The following GALNS variants were observed in gnomAD, a reference collection of about 807,000 sequenced individuals.
GALNS encodes the protein N-acetylgalactosamine-6-sulfatase.
GALNS carries 65 observed loss-of-function variants against 65.9 expected under a neutral mutation model. The observed-to-expected ratio is 0.99, with a 90% CI of 0.81 to 1.21. GALNS has a LOEUF of 1.21. Ranked by LOEUF, GALNS falls within the 50% of genes most tolerant of loss-of-function variation. GALNS has a pLI of 0.00. For synonymous variants in GALNS, 346 were observed against 288.9 expected (o/e 1.20, Z -2.00); for missense variants, 776 against 700.7 (o/e 1.11, Z -1.21).
rs1463001817 is a variant in GALNS at position 88,856,461 on chromosome 16, G to A, written c.120+297C>T. ...ACGCCGGCCACCCACCTGCCAGGGA[G>A]GACGCTGTCCCGGTCATGCAGCACA... On this transcript the variant is annotated intron_variant, in intron 1 of 13. Coordinates refer to ENST00000268695, the MANE Select transcript of GALNS (RefSeq NM_000512.5). The A allele has an allele frequency of 1.7e-5, 12 of 700,402 alleles. No homozygotes were observed. In the East Asian group the frequency reaches 3.0e-4, roughly 17 times the overall value. The allele number at this position is 700,402 out of a possible 1,614,324, so 43.4% of individuals were successfully genotyped here.
intron 12 of GALNS, among the ~76,000 whole-genome samples, chr16:88,820,752 C>T (rs1316359707): frequency 6.6e-6 from 1 of 152,190 alleles, no homozygotes; most frequent in Non-Finnish European, 1.5e-5. Flanking sequence ...CCCTGAGGAC[C>T]CCCCTGTGGA....
chr16:88,831,967 C>A, intron 9 of GALNS, 31 bp downstream of exon 9: 1 of 1,594,742 alleles, frequency 6.3e-7, no homozygotes, highest in African/African-American at 1.3e-5. Flanking sequence ...CCTGGACCTG[C>A]TGCCCGGCAG....
chr16:88,818,592 A>G (rs3826069), intron 12 of GALNS, among the ~76,000 whole-genome samples: 48,193 of 152,120 alleles, frequency 0.32, 7,931 homozygotes, highest in East Asian at 0.58. Flanking sequence ...TTCCAATGCA[A>G]GCTGCGGAGT....
At chr16:88,855,334 C>A (rs1005180704) in intron 1 of GALNS, 1 of 700,436 alleles carries the variant, frequency 1.4e-6, no homozygotes. Context: ...AGGAGTTACA[C>A]AATGAAAAGA....
rs35137494 is a variant in GALNS, at chr16:88,842,687, G to A, written c.244+19C>T. On this transcript the variant is annotated intron_variant, in intron 2 of 13. Transcript: ENST00000268695. Reference sequence around the variant, plus strand: ...GTTGGGCTCACCCCTTCCTGGGGGCGAGGGCCCCGCTGACTTACATGGCGA... The same window carrying A: ...GTTGGGCTCACCCCTTCCTGGGGGCAAGGGCCCCGCTGACTTACATGGCGA... The A allele has an allele frequency of 0.16, 256,449 of 1,610,696 alleles. 21,196 individuals carry two copies. The highest frequency in any genetic ancestry group is 0.22 in the Middle Eastern group (1,308 of 6,054).
intron 1 of GALNS, among the ~76,000 whole-genome samples, chr16:88,854,784 G>A (rs1168050861): frequency 2.7e-4 from 41 of 152,228 alleles, no homozygotes; most frequent in Admixed American, 2.7e-3. Context: ...GACTCAGGAG[G>A]GCCAGGGAAT....
In GALNS at chr16:88,842,206, C is replaced by T. The variant is rs564519430; in HGVS notation, c.245-235G>A. On this transcript the variant is annotated intron_variant, in intron 2 of 13. Transcript: ENST00000268695. ...GGGCCCTGCAGCTCAGCGTTGTCCC[C>T]AAGACCCCGCCTCCTTTCGCAGGCT... 9 of 623,986 alleles carry T rather than the reference C, an allele frequency of 1.4e-5. No homozygotes were observed. In the South Asian group the frequency reaches 1.6e-4, roughly 11 times the overall value. The allele number at this position is 623,986 out of a possible 1,614,324, so 38.7% of individuals were successfully genotyped here. A position where few individuals can be genotyped will look rare whatever the true frequency, so the allele number is the denominator to read the frequency against.
chr16:88,838,435 G>A (rs928207407), intron 4 of GALNS: 38 of 153,046 alleles, frequency 2.5e-4, no homozygotes, highest in African/African-American at 9.1e-4. Flanking sequence ...GCTCTCCTGG[G>A]ACCGGGGTTC....
chr16:88,845,980 A>G (rs1209507490), intron 1 of GALNS, among the ~76,000 whole-genome samples: 1 of 152,090 alleles, frequency 6.6e-6, no homozygotes, highest in Admixed American at 6.6e-5. Flanking sequence ...AGGGTGAGAC[A>G]CTCTCACTAA....
chr16:88,855,868 C>T (rs1449917840), intron 1 of GALNS: 15 of 501,406 alleles, frequency 3.0e-5, no homozygotes, highest in Non-Finnish European at 4.3e-5. Flanking sequence ...AGGGGCTGAG[C>T]GACACCGACG....
At chr16:88,818,360 A>G (rs974839423) in intron 12 of GALNS, among the ~76,000 whole-genome samples, 2 of 152,220 alleles carry the variant, frequency 1.3e-5, no homozygotes, top group Non-Finnish European at 2.9e-5. Context: ...AAGGCTCAGC[A>G]GGCCAAGCCC....
At chr16:88,852,627 A>C (rs1348145766) in intron 1 of GALNS, among the ~76,000 whole-genome samples, 1 of 152,242 alleles carries the variant, frequency 6.6e-6, no homozygotes, top group Non-Finnish European at 1.5e-5. Context: ...TAAGGAAGCT[A>C]AAAACCTTGA....
chr16:88,826,584 G>A (rs987498523), intron 10 of GALNS, 118 bp downstream of exon 10: 42 of 1,267,072 alleles, frequency 3.3e-5, no homozygotes, highest in Non-Finnish European at 4.5e-5. Flanking sequence ...CCCTGGGCAC[G>A]AGCACGCCTG....
intron 10 of GALNS, among the ~76,000 whole-genome samples, chr16:88,825,852 C>A (rs919159868): frequency 2.6e-5 from 4 of 152,178 alleles, no homozygotes; most frequent in Non-Finnish European, 5.9e-5. Context: ...AAAACTCCCT[C>A]TACCCGGCCC....
In GALNS at chr16:88,840,994, C is replaced by T. The variant is rs770723229; in HGVS notation, c.420G>A (p.Lys140=). The change falls in exon 4 of 14, where the codon AAG becomes AAA. Residue 140 remains lysine (K), a splice_region_variant and synonymous_variant. Coordinates refer to ENST00000268695, the MANE Select transcript of GALNS (RefSeq NM_000512.5). ...KAGYVSKIVG[K]WHLGHRPQFH... is the part of the protein sequence containing the mutation. ...GCAGGCGTGGCCAGGAGACTTACCA[C>T]TTGCCGACAATCTTGCTGACGTAGC... The T allele has an allele frequency of 1.2e-6, 2 of 1,612,864 alleles. No homozygotes were observed. The highest frequency in any genetic ancestry group is 1.7e-6 in the Non-Finnish European group (2 of 1,179,562).
At chr16:88,832,988 G>A (rs1567527865) in intron 8 of GALNS, among the ~76,000 whole-genome samples, 1 of 150,658 alleles carries the variant, frequency 6.6e-6, no homozygotes, top group Admixed American at 6.6e-5. Context: ...TGAGGTGGGA[G>A]GATTGCTGGA....
intron 10 of GALNS, 55 bp downstream of exon 10, chr16:88,826,647 T>C (rs1910951567): frequency 1.9e-6 from 3 of 1,592,410 alleles, no homozygotes; most frequent in East Asian, 4.5e-5. Context: ...GATTAGCAGC[T>C]CTGGGCTTCA....
intron 1 of GALNS, chr16:88,855,354 G>C (rs1567548488): frequency 8.6e-6 from 6 of 701,084 alleles, no homozygotes; most frequent in Non-Finnish European, 1.6e-5. Flanking sequence ...AAGAAATTCT[G>C]AAACAAAGTA....
chr16:88,823,986 C>T (rs1329227739), intron 11 of GALNS, among the ~76,000 whole-genome samples: 9 of 152,200 alleles, frequency 5.9e-5, no homozygotes, highest in Non-Finnish European at 1.3e-4. Context: ...CATCATTGCC[C>T]TCCAGACACT....
Sources: gnomAD v4.1 joint callset for allele counts (sites outside exome capture counted in the v4.1 genomes callset) on GRCh38, gnomAD v4.1.1 for gene constraint, MANE v1.5 for transcripts, NCBI Gene and HGNC (gene_info 2026-07-23, HGNC 2026-07-21) for gene names.